The following SOX6 variants were observed in gnomAD, a reference collection of about 807,000 sequenced individuals.
SOX6 encodes the protein transcription factor SOX-6.
SOX6 carries 11 observed loss-of-function variants against 97.8 expected under a neutral mutation model. That is an observed-to-expected ratio of 0.11 (90% CI 0.07 to 0.19). The LOEUF is 0.19. SOX6 is among the 10% of genes least tolerant of loss of function. The probability of loss-of-function intolerance (pLI) is 1.00; values close to 1 mark genes in which losing one functional copy is unlikely to be tolerated. For missense variants in SOX6, 810 were observed against 1,039.5 expected (o/e 0.78, Z 3.04); for synonymous variants, 360 against 371.4 (o/e 0.97, Z 0.35).
At chr11:16,131,860 T>A (rs948849001) in intron 6 of SOX6, among the ~76,000 whole-genome samples, 2 of 152,056 alleles carry the variant, frequency 1.3e-5, no homozygotes, top group Non-Finnish European at 2.9e-5. Flanking sequence ...TATGAAGTCT[T>A]AGAAAAGGCA....
chr11:16,443,830 T>C lies in SOX6; in HGVS notation c.-5+32485A>G, dbSNP rs983129475. On this transcript the variant is annotated intron_variant, in intron 1 of 15. Coordinates refer to the SOX6 transcript ENST00000396356. ...GAGATCAAGACCATCCTGGCCAACA[T>C]GATGGAACCCCATCTCTACTAAAAA... Among the ~76,000 whole-genome samples the C allele has an allele frequency of 2.0e-4, 30 of 152,168 alleles. 1 individual carries two copies. Among genetic ancestry groups the C allele is most frequent in the African/African-American group, 7.0e-4 (29 of 41,526 alleles).
rs566582299 is a variant in SOX6, at chr11:16,614,287, C to T, written n.430-2027G>A. On this transcript the variant is annotated intron_variant and non_coding_transcript_variant, in intron 3 of 5. Coordinates refer to the SOX6 transcript ENST00000524520. ...TCCGTACTCCCTGGGACTCATCTCC[C>T]GCTTCCTCTCCACCTTCGGAACAGT... 2.6e-5 allele frequency among the ~76,000 whole-genome samples: 4 copies of T among 152,216 alleles called. No homozygotes were observed. In the East Asian group the frequency reaches 5.8e-4, roughly 22 times the overall value.
At chr11:16,130,809 G>A (rs1033740867) in intron 6 of SOX6, among the ~76,000 whole-genome samples, 5 of 151,636 alleles carry the variant, frequency 3.3e-5, no homozygotes, top group African/African-American at 1.2e-4. Flanking sequence ...AGAGTCCAGA[G>A]GTAGATCCAC....
intron 4 of SOX6, among the ~76,000 whole-genome samples, chr11:16,522,990 A>G (rs1421317292): frequency 6.6e-6 from 1 of 152,198 alleles, no homozygotes; most frequent in Non-Finnish European, 1.5e-5. Flanking sequence ...GCAAGTCCTT[A>G]GAGACCTACA....
chr11:15,986,352 T>G lies in SOX6; in HGVS notation c.2035A>C (p.Lys679Gln). 1.2e-6 allele frequency: 2 copies of G among 1,614,174 alleles called. No homozygotes were observed. The highest frequency in any genetic ancestry group is 1.7e-6 in the Non-Finnish European group (2 of 1,180,018). Residue 679 changes from lysine to glutamine, a missense_variant, in exon 15 of 16, where the codon AAG becomes CAG. Around this residue, in one of 9 missense-constraint regions of SOX6, gnomAD observed 51 missense variants for 145.7 expected, o/e 0.35. Coordinates refer to ENST00000683767, the MANE Select transcript of SOX6 (RefSeq NM_001367873.1). Reference sequence around the variant, plus strand: ...TTTGGGTACTTCTCTAAGTGGATCTTGCTTAGCCGGGCCTGCTCTTCATAA... The same window carrying G: ...TTTGGGTACTTCTCTAAGTGGATCTGGCTTAGCCGGGCCTGCTCTTCATAA... ...PYYEEQARLS[K>Q]IHLEKYPNYK...
intron 1 of SOX6, among the ~76,000 whole-genome samples, chr11:16,378,581 TC>T (rs1857710153): frequency 6.6e-6 from 1 of 152,084 alleles, no homozygotes; most frequent in Non-Finnish European, 1.5e-5. Flanking sequence ...CATAATTGGT[TC>T]TTCATATCTT....
chr11:16,511,085 G>T (rs921477253), intron 4 of SOX6, among the ~76,000 whole-genome samples: 1 of 152,126 alleles, frequency 6.6e-6, no homozygotes, highest in African/African-American at 2.4e-5. Flanking sequence ...ATATTTCTCT[G>T]ATAGTTAAAA....
intron 3 of SOX6, among the ~76,000 whole-genome samples, chr11:16,271,792 A>C (rs1854268516): frequency 6.6e-6 from 1 of 151,248 alleles, no homozygotes; most frequent in African/African-American, 2.4e-5. Context: ...TTACATATTA[A>C]TTATTTTTAA....
chr11:16,102,129 T>A (rs926460695), intron 7 of SOX6, among the ~76,000 whole-genome samples: 2 of 151,556 alleles, frequency 1.3e-5, no homozygotes, highest in Admixed American at 1.3e-4. Context: ...ACCTAGAAAG[T>A]CCTAAAGACT....
At chr11:16,399,135 C>T (rs1470566132) in intron 1 of SOX6, among the ~76,000 whole-genome samples, 4 of 151,222 alleles carry the variant, frequency 2.6e-5, no homozygotes. Context: ...AGTTCCTCAT[C>T]TGTAAAATGA....
At chr11:16,104,337 A>G (rs1849021025) in intron 7 of SOX6, among the ~76,000 whole-genome samples, 1 of 152,014 alleles carries the variant, frequency 6.6e-6, no homozygotes, top group Admixed American at 6.6e-5. Context: ...ACATGTAAAA[A>G]TTACATTTTA....
chr11:16,595,277 G>A (rs1029948636), intron 4 of SOX6, among the ~76,000 whole-genome samples: 4 of 151,934 alleles, frequency 2.6e-5, no homozygotes, highest in African/African-American at 9.7e-5. Context: ...TGTAGACCAC[G>A]GCCATAGCTT....
chr11:16,467,032 T>C (rs1007341920), intron 1 of SOX6, among the ~76,000 whole-genome samples: 3 of 148,636 alleles, frequency 2.0e-5, no homozygotes, highest in Non-Finnish European at 4.5e-5. Context: ...AACAATCATA[T>C]GAAAAAAAAG....
rs1224940642 is a variant in SOX6, at chr11:16,585,666, AT to A, written n.609+26414del. Among the ~76,000 whole-genome samples, 198 of 132,430 alleles carry A rather than the reference AT, an allele frequency of 1.5e-3. 1 individual carries two copies. The highest frequency in any genetic ancestry group is 3.8e-3 in the Middle Eastern group (1 of 266). 86.9% of individuals were successfully genotyped at this position (132,430 alleles called of 152,430 possible). ...GGAGTCAACAAAGACTCAACGGAGA[AT>A]TTTTTTTTTTTTACTTTTTTTTTTT... is the stretch of plus-strand genomic sequence containing the variant. On this transcript the variant is annotated intron_variant and non_coding_transcript_variant, in intron 4 of 5. Transcript: ENST00000524520.
intron 4 of SOX6, among the ~76,000 whole-genome samples, chr11:16,189,888 G>T (rs956586040): frequency 1.3e-5 from 2 of 151,830 alleles, no homozygotes; most frequent in African/African-American, 4.8e-5. Flanking sequence ...GAAATTTTGG[G>T]CAAGGACCAA....
intron 1 of SOX6, among the ~76,000 whole-genome samples, chr11:16,382,114 A>C (rs1857840502): frequency 6.6e-6 from 1 of 151,964 alleles, no homozygotes; most frequent in East Asian, 1.9e-4. Context: ...TCAAAATGTT[A>C]TTTTTACTTT....
intron 3 of SOX6, among the ~76,000 whole-genome samples, chr11:16,651,996 G>T (rs907510894): frequency 4.6e-5 from 7 of 151,912 alleles, no homozygotes; most frequent in Admixed American, 2.6e-4. Flanking sequence ...AACAAATCAA[G>T]AATTCAATCC....
intron 1 of SOX6, among the ~76,000 whole-genome samples, chr11:16,445,211 C>T (rs181877772): frequency 6.6e-6 from 1 of 152,146 alleles, no homozygotes; most frequent in African/African-American, 2.4e-5. Context: ...CATGGTAACA[C>T]TAGAGTAACA....
intron 4 of SOX6, among the ~76,000 whole-genome samples, chr11:16,549,269 A>G (rs1847652967): frequency 2.0e-5 from 3 of 152,142 alleles, no homozygotes; most frequent in Admixed American, 1.3e-4. Context: ...TCCCGGGTTC[A>G]AGGGATTCTC....
Sources: allele counts gnomAD v4.1 joint callset (sites outside exome capture counted in the v4.1 genomes callset), GRCh38; gene constraint gnomAD v4.1.1; regional missense constraint gnomAD v4.1.1; transcripts MANE v1.5; gene names NCBI Gene and HGNC (gene_info 2026-07-23, HGNC 2026-07-21).